IL6ST: variants seen among roughly 807,000 people sequenced by gnomAD.
IL6ST encodes the protein interleukin 6 cytokine family signal transducer, also known as interleukin-6 receptor subunit beta.
In IL6ST, 24 loss-of-function variants were observed where a neutral mutation model predicts 91.3. That is an observed-to-expected ratio of 0.26 (90% CI 0.19 to 0.37). The LOEUF (loss-of-function observed/expected upper bound fraction) is 0.37, where lower values mean the gene tolerates loss of function less well. IL6ST is among the 10% of genes least tolerant of loss of function. The pLI is 1.00. For missense variants in IL6ST, 914 were observed against 1,078.5 expected, an observed-to-expected ratio of 0.85 and a Z score of 2.14; for synonymous variants, 351 against 373.6, an observed-to-expected ratio of 0.94 and a Z score of 0.70.
chr5:55,947,877 G>T (rs547832692), intron 14 of IL6ST, among the ~76,000 whole-genome samples: 1 of 152,238 alleles, frequency 6.6e-6, no homozygotes, highest in Non-Finnish European at 1.5e-5. Context: ...AATCTACTGG[G>T]TTAGAGCTTT....
At chr5:55,957,143 C>T (rs576443490) in intron 9 of IL6ST, 66 bp downstream of exon 9, 22 of 794,020 alleles carry the variant, frequency 2.8e-5, no homozygotes, top group South Asian at 1.9e-4. Context: ...GGCAATGGAG[C>T]GAGACTCGGT....
At chr5:55,987,531 T>C (rs1163122251) in intron 1 of IL6ST, among the ~76,000 whole-genome samples, 1 of 152,174 alleles carries the variant, frequency 6.6e-6, no homozygotes, top group Non-Finnish European at 1.5e-5. Flanking sequence ...AAAGAGACCA[T>C]CCTTACCTTG....
intron 1 of IL6ST, among the ~76,000 whole-genome samples, chr5:55,985,309 A>C (rs1753898597): frequency 6.6e-6 from 1 of 152,086 alleles, no homozygotes; most frequent in Non-Finnish European, 1.5e-5. Flanking sequence ...TGAGTTCAGA[A>C]GTTCGAGACC....
chr5:55,960,030 C>T (rs2111742052), intron 8 of IL6ST, among the ~76,000 whole-genome samples: 1 of 152,018 alleles, frequency 6.6e-6, no homozygotes, highest in South Asian at 2.1e-4. Context: ...GGACTACAGG[C>T]GCCCACCACC....
Position 55,937,682 on chromosome 5 carries a change from TATC to T in IL6ST, c.*3397_*3399del, listed in dbSNP as rs1472501787. The T allele has an allele frequency of 1.0e-5, 2 of 192,948 alleles. No homozygotes were observed. The highest frequency in any genetic ancestry group is 2.1e-5 in the Non-Finnish European group (2 of 93,526). The allele number at this position is 192,948 out of a possible 1,614,324, so 12.0% of individuals were successfully genotyped here. On this transcript the variant is annotated 3_prime_UTR_variant, in exon 17 of 17. Transcript: ENST00000381298. Reference sequence around the variant, plus strand: ...GTACAAATTTTTTAGAAAGTAATCTTATCAGCACAATATAATCTAACAATACCT... The same window carrying T: ...GTACAAATTTTTTAGAAAGTAATCTTAGCACAATATAATCTAACAATACCT...
At chr5:55,991,259 T>C (rs1169253087) in intron 1 of IL6ST, among the ~76,000 whole-genome samples, 3 of 152,230 alleles carry the variant, frequency 2.0e-5, no homozygotes, top group Admixed American at 2.0e-4. Flanking sequence ...ATATGCCCAG[T>C]AATGGGATGA....
intron 1 of IL6ST, among the ~76,000 whole-genome samples, chr5:55,992,779 C>T (rs1754405107): frequency 6.6e-6 from 1 of 152,162 alleles, no homozygotes; most frequent in African/African-American, 2.4e-5. Context: ...CATTCCAATC[C>T]TTAAATGCTC....
Position 55,969,750 on chromosome 5 carries a change from T to C in IL6ST, c.170A>G (p.Tyr57Cys). The change falls in exon 4 of 17, where the codon TAT becomes TGT. Residue 57 changes from tyrosine to cysteine, a missense_variant. Coordinates refer to ENST00000381298, the MANE Select transcript of IL6ST (RefSeq NM_002184.4). ...AATGTAATTAGCATTTACATGAAAATAATCCATACATTTTTCCTTTAGCAC... is the reference window on the plus strand; with the variant it reads ...AATGTAATTAGCATTTACATGAAAACAATCCATACATTTTTCCTTTAGCAC... ...VCVLKEKCMDYFHVNANYIVW... is the reference protein window; with the variant it reads ...VCVLKEKCMDCFHVNANYIVW... The C allele has an allele frequency of 4.3e-6, 7 of 1,610,584 alleles. No individual in the cohort carries two copies. The highest frequency in any genetic ancestry group is 5.9e-6 in the Non-Finnish European group (7 of 1,176,904).
chr5:55,970,205 T>C (rs545255906), intron 3 of IL6ST, among the ~76,000 whole-genome samples: 1 of 152,278 alleles, frequency 6.6e-6, no homozygotes, highest in East Asian at 1.9e-4. Context: ...AGGTCTAAAC[T>C]AAACTCTCCA....
chr5:55,960,250 C>T (rs972514940), intron 8 of IL6ST, 152 bp downstream of exon 8: 6 of 590,382 alleles, frequency 1.0e-5, no homozygotes, highest in African/African-American at 1.9e-5. Context: ...AATTTTACAT[C>T]TTAATGTCCT....
Position 55,941,058 on chromosome 5 carries a change from G to A in IL6ST, c.*24C>T. The A allele has an allele frequency of 1.3e-6, 2 of 1,572,670 alleles. No homozygotes were observed. The highest frequency in any genetic ancestry group is 1.7e-6 in the Non-Finnish European group (2 of 1,159,488). On this transcript the variant is annotated 3_prime_UTR_variant, in exon 17 of 17. Transcript: ENST00000381298. ...GCTTTACTTTATAGGTACTGCTGAA[G>A]TTGTAGCAGGAACTACTAGTCCTTC... is the stretch of plus-strand genomic sequence containing the variant.
chr5:55,948,471 G>T (rs1019668556), intron 14 of IL6ST, among the ~76,000 whole-genome samples: 1 of 151,870 alleles, frequency 6.6e-6, no homozygotes, highest in Non-Finnish European at 1.5e-5. Flanking sequence ...TAGAAATCAA[G>T]AAATCAGTTA....
chr5:55,952,524 C>T (rs1751698637), intron 11 of IL6ST, among the ~76,000 whole-genome samples, 173 bp from the exon 12 acceptor site: 1 of 152,178 alleles, frequency 6.6e-6, no homozygotes, highest in Non-Finnish European at 1.5e-5. Context: ...TCAGGTAAAA[C>T]TGTCTGTAAA....
At chr5:55,946,945 C>G (rs975877558) in intron 15 of IL6ST, among the ~76,000 whole-genome samples, 1 of 152,022 alleles carries the variant, frequency 6.6e-6, no homozygotes, top group African/African-American at 2.4e-5. Flanking sequence ...GTGGCTCACA[C>G]CTGTAATCCC....
At chr5:55,991,504 A>C (rs1754328384) in intron 1 of IL6ST, among the ~76,000 whole-genome samples, 1 of 151,812 alleles carries the variant, frequency 6.6e-6, no homozygotes. Context: ...GACATTGATC[A>C]CCTCAATAAT....
At chr5:55,984,493 T>C (rs80234570) in intron 1 of IL6ST, among the ~76,000 whole-genome samples, 2,990 of 152,166 alleles carry the variant, frequency 0.02, 52 homozygotes, top group Non-Finnish European at 0.031. Context: ...CAGGCAGAGA[T>C]TGGAGTTATG....
rs1453173118 is a variant in IL6ST at position 55,952,349 on chromosome 5, T to C, written c.1453A>G (p.Asn485Asp). ...AAATAGCATTTGCTCTCTGCTAAGT[T>C]CCCTAAAGCAAGAATAGCAGATTAA... is the stretch of plus-strand genomic sequence containing the variant. ...GTVHRTYLRG[N>D]LAESKCYLIT... The change falls in exon 12 of 17, where the codon AAC becomes GAC. Residue 485 changes from asparagine (N) to aspartate (D), a missense_variant and splice_region_variant. Physicochemically the swap from Asn to Asp is conservative, Grantham distance 23 (BLOSUM62 1). Transcript: ENST00000381298. 1.3e-6 allele frequency: 2 copies of C among 1,556,108 alleles called. No individual in the cohort carries two copies. The highest frequency in any genetic ancestry group is 1.7e-5 in the Admixed American group (1 of 58,832).
intron 2 of IL6ST, among the ~76,000 whole-genome samples, chr5:55,979,787 T>C (rs1753535785): frequency 6.6e-6 from 1 of 152,244 alleles, no homozygotes; most frequent in African/African-American, 2.4e-5. Flanking sequence ...GATTCTACTT[T>C]ATTTTATCCT....
At chr5:55,990,823 T>C (rs553397005) in intron 1 of IL6ST, among the ~76,000 whole-genome samples, 1 of 152,272 alleles carries the variant, frequency 6.6e-6, no homozygotes, top group South Asian at 2.1e-4. Context: ...ATGTGCCATG[T>C]TGGTGTGCTG....
Sources: allele counts gnomAD v4.1 joint callset (sites outside exome capture counted in the v4.1 genomes callset), GRCh38; gene constraint gnomAD v4.1.1; transcripts MANE v1.5; gene names NCBI Gene and HGNC (gene_info 2026-07-23, HGNC 2026-07-21).